DTD1: variants seen among roughly 807,000 people sequenced by gnomAD.
The protein encoded by DTD1 is D-aminoacyl-tRNA deacylase 1, also known as D-tyrosyl-tRNA deacylase 1 homolog.
In DTD1, 13 loss-of-function variants were observed where a neutral mutation model predicts 25.6. The observed-to-expected ratio is 0.51, with a 90% CI of 0.33 to 0.81. The LOEUF is 0.81. Ranked by LOEUF, DTD1 falls within the 30% of genes least tolerant of loss-of-function variation. The probability of loss-of-function intolerance (pLI) is 0.02; values close to 1 mark genes in which losing one functional copy is unlikely to be tolerated. For missense variants in DTD1, 193 were observed against 266.4 expected (o/e 0.72, Z 1.92); for synonymous variants, 110 against 103.6 (o/e 1.06, Z -0.37).
intron 4 of DTD1, among the ~76,000 whole-genome samples, chr20:18,705,824 C>A (rs968409754): frequency 1.3e-5 from 2 of 152,184 alleles, no homozygotes; most frequent in Non-Finnish European, 2.9e-5. Context: ...AGACTTTGCT[C>A]TTGTAGCCCA....
chr20:18,738,988 C>T (rs1409402769), intron 4 of DTD1, among the ~76,000 whole-genome samples: 1 of 152,176 alleles, frequency 6.6e-6, no homozygotes, highest in Non-Finnish European at 1.5e-5. Flanking sequence ...CGCTTGTCCT[C>T]TGCAGTGTGT....
At chr20:18,716,109 A>G (rs1383856496) in intron 4 of DTD1, among the ~76,000 whole-genome samples, 1 of 152,162 alleles carries the variant, frequency 6.6e-6, no homozygotes, top group African/African-American at 2.4e-5. Flanking sequence ...GCATGTTTCA[A>G]TGGTACCTTC....
chr20:18,616,679 C>T (rs193088234), intron 3 of DTD1, among the ~76,000 whole-genome samples: 24 of 152,198 alleles, frequency 1.6e-4, no homozygotes, highest in African/African-American at 4.8e-4. Context: ...TGATGGTGCA[C>T]GCCTATAGTC....
intron 4 of DTD1, among the ~76,000 whole-genome samples, chr20:18,687,395 G>T (rs1311425455): frequency 6.6e-6 from 1 of 152,184 alleles, no homozygotes; most frequent in African/African-American, 2.4e-5. Flanking sequence ...AGAGGGATTA[G>T]AACTTGTACA....
At chr20:18,655,840 G>A (rs2060889667) in intron 4 of DTD1, among the ~76,000 whole-genome samples, 1 of 152,066 alleles carries the variant, frequency 6.6e-6, no homozygotes, top group Non-Finnish European at 1.5e-5. Context: ...GCGTGATCCG[G>A]CTCACAGCAA....
intron 4 of DTD1, among the ~76,000 whole-genome samples, chr20:18,692,672 A>G (rs2061052018): frequency 6.6e-6 from 1 of 152,186 alleles, no homozygotes; most frequent in South Asian, 2.1e-4. Flanking sequence ...GCCTGGAAGG[A>G]GAGCTGAGGC....
chr20:18,765,932 T>C lies in DTD1; in HGVS notation c.*2592T>C, dbSNP rs1004262091. ...CCTTGGCAGATCACAGACCCAGGAC[T>C]TTAAACAGAGTGCTGTGCCGATAAC... is the stretch of plus-strand genomic sequence containing the variant. On this transcript the variant is annotated 3_prime_UTR_variant, in exon 6 of 6. Coordinates refer to ENST00000377452, the MANE Select transcript of DTD1 (RefSeq NM_080820.6). 2 of 152,272 alleles carry C rather than the reference T, an allele frequency of 1.3e-5. No individual in the cohort carries two copies. The highest frequency in any genetic ancestry group is 4.1e-4 in the South Asian group (2 of 4,834). 9.4% of individuals were successfully genotyped at this position (152,272 alleles called of 1,614,324 possible).
chr20:18,684,749 T>C (rs1460959066), intron 4 of DTD1, among the ~76,000 whole-genome samples: 10 of 152,202 alleles, frequency 6.6e-5, no homozygotes, highest in Non-Finnish European at 1.5e-4. Context: ...GAAAAGTCTT[T>C]AATTTTCAGT....
chr20:18,760,581 A>G (rs1278693679), intron 5 of DTD1, among the ~76,000 whole-genome samples: 5 of 152,078 alleles, frequency 3.3e-5, no homozygotes, highest in African/African-American at 9.7e-5. Context: ...TTGCTGCCTG[A>G]TCGTTCCTCT....
intron 4 of DTD1, among the ~76,000 whole-genome samples, chr20:18,731,179 G>A (rs2061238251): frequency 6.6e-6 from 1 of 152,148 alleles, no homozygotes; most frequent in Admixed American, 6.5e-5. Context: ...CTTCTGTAAT[G>A]TTTTTTCATA....
At chr20:18,709,341 G>A (rs2061149048) in intron 4 of DTD1, among the ~76,000 whole-genome samples, 1 of 152,154 alleles carries the variant, frequency 6.6e-6, no homozygotes, top group African/African-American at 2.4e-5. Flanking sequence ...ATGAGCTGCA[G>A]CTTCTCTTCC....
intron 4 of DTD1, among the ~76,000 whole-genome samples, chr20:18,654,402 T>A (rs954641176): frequency 1.7e-4 from 26 of 152,336 alleles, no homozygotes; most frequent in African/African-American, 5.3e-4. Flanking sequence ...ACCTCTTTTT[T>A]AAAAAGAAAT....
chr20:18,677,880 A>T (rs1055847828), intron 4 of DTD1, among the ~76,000 whole-genome samples: 1 of 152,178 alleles, frequency 6.6e-6, no homozygotes, highest in African/African-American at 2.4e-5. Context: ...GCTTCTTTTT[A>T]AAAATTAAAC....
chr20:18,712,827 G>A (rs1600386039), intron 4 of DTD1, among the ~76,000 whole-genome samples: 1 of 152,202 alleles, frequency 6.6e-6, no homozygotes, highest in Non-Finnish European at 1.5e-5. Flanking sequence ...TGTGGACACC[G>A]GAATGTTTTC....
chr20:18,593,054 ATATACAAATGT>A (rs2060596676), intron 1 of DTD1, among the ~76,000 whole-genome samples: 1 of 152,048 alleles, frequency 6.6e-6, no homozygotes, highest in Admixed American at 6.5e-5. Context: ...TTATAAATAC[ATATACAAATGT>A]TAGGAGTGTG....
chr20:18,647,163 T>C (rs2060853415), intron 4 of DTD1, among the ~76,000 whole-genome samples: 1 of 152,244 alleles, frequency 6.6e-6, no homozygotes, highest in Non-Finnish European at 1.5e-5. Flanking sequence ...GGTGTTTTCA[T>C]TGGCTTTGAG....
At chr20:18,696,548 TTTTG>T (rs1412607428) in intron 4 of DTD1, among the ~76,000 whole-genome samples, 1 of 152,054 alleles carries the variant, frequency 6.6e-6, no homozygotes. Flanking sequence ...GAACTGTAGT[TTTTG>T]TTTGTTTGTT....
intron 4 of DTD1, among the ~76,000 whole-genome samples, chr20:18,633,963 T>G (rs927158): frequency 0.51 from 77,610 of 152,106 alleles, 20,189 homozygotes; most frequent in Middle Eastern, 0.57. Context: ...CTGGCAGTGA[T>G]AAGTTGGAAG....
chr20:18,744,573 G>A (rs1361610563), intron 5 of DTD1, among the ~76,000 whole-genome samples: 1 of 149,230 alleles, frequency 6.7e-6, no homozygotes, highest in Non-Finnish European at 1.5e-5. Flanking sequence ...TTCTTACATG[G>A]CGGCAGGCAA....
Sources: allele counts gnomAD v4.1 joint callset (sites outside exome capture counted in the v4.1 genomes callset), GRCh38; gene constraint gnomAD v4.1.1; transcripts MANE v1.5; gene names NCBI Gene and HGNC (gene_info 2026-07-23, HGNC 2026-07-21).